The following PSD3 variants were observed in gnomAD, a reference collection of about 807,000 sequenced individuals.
The protein encoded by PSD3 is PH and SEC7 domain-containing protein 3.
Under a neutral mutation model 105.5 loss-of-function variants are expected in PSD3, and 49 were observed. The ratio of observed to expected loss-of-function variants is 0.46; its 90% CI spans 0.37 to 0.59. The LOEUF is 0.59. Among genes scored for constraint, PSD3 ranks in the 20% least tolerant of loss-of-function variants. PSD3 has a pLI of 0.00. For missense variants in PSD3, 1,561 were observed against 1,263.8 expected (o/e 1.24, Z -3.57); for synonymous variants, 557 against 457.8 (o/e 1.22, Z -2.77).
chr8:18,861,418 C>A (rs1046395626), intron 4 of PSD3, among the ~76,000 whole-genome samples: 1 of 152,138 alleles, frequency 6.6e-6, no homozygotes, highest in Non-Finnish European at 1.5e-5. Context: ...GCAAGTCTTA[C>A]ATCTAAAAGG....
At chr8:18,684,203 TCCACAC>T (rs1230247163) in intron 9 of PSD3, 3 of 222,752 alleles carry the variant, frequency 1.3e-5, no homozygotes, top group South Asian at 5.5e-5. Context: ...GTCTCTCTTT[TCCACAC>T]ACACACACAC....
intron 9 of PSD3, chr8:18,763,129 G>A (rs991204726): frequency 2.2e-6 from 1 of 445,540 alleles, no homozygotes; most frequent in Non-Finnish European, 4.5e-6. Flanking sequence ...AAAGAAATCT[G>A]AACAGACATA....
At chr8:18,560,608 C>T (rs2130193337) in intron 14 of PSD3, among the ~76,000 whole-genome samples, 1 of 151,776 alleles carries the variant, frequency 6.6e-6, no homozygotes, top group South Asian at 2.1e-4. Context: ...GGTTATATGT[C>T]AATAGATTTA....
intron 3 of PSD3, among the ~76,000 whole-genome samples, chr8:18,870,790 C>T (rs912043985): frequency 6.6e-6 from 1 of 152,070 alleles, no homozygotes; most frequent in African/African-American, 2.4e-5. Context: ...TTCTGACCCC[C>T]TGAGATGTCA....
chr8:18,930,815 G>A (rs1308290159), intron 2 of PSD3, among the ~76,000 whole-genome samples: 4 of 152,044 alleles, frequency 2.6e-5, no homozygotes, highest in Admixed American at 2.0e-4. Context: ...TGATCTGCCC[G>A]ACTTGGCCTC....
chr8:18,687,940 G>T (rs1043755979), intron 9 of PSD3, among the ~76,000 whole-genome samples: 15 of 151,892 alleles, frequency 9.9e-5, no homozygotes, highest in Non-Finnish European at 2.9e-5. Context: ...GGTAATTTTT[G>T]TATTTTTTAG....
chr8:19,005,180 T>C (rs2129474814), intron 1 of PSD3, among the ~76,000 whole-genome samples: 1 of 152,142 alleles, frequency 6.6e-6, no homozygotes, highest in East Asian at 1.9e-4. Flanking sequence ...TATTCCTAAC[T>C]GTCAAAAGTG....
Position 18,795,976 on chromosome 8 carries a change from A to G in PSD3, c.2082+3319T>C, listed in dbSNP as rs144881321. Among the ~76,000 whole-genome samples, 8 of 152,334 alleles carry G rather than the reference A, an allele frequency of 5.3e-5. No individual in the cohort carries two copies. In the East Asian group the frequency reaches 1.2e-3, roughly 22 times the overall value. On this transcript the variant is annotated intron_variant, in intron 8 of 15. Transcript: ENST00000327040. ...CTGTATGTGTAGAAGTTTAATTTAC[A>G]TAAGTATTTTGTAGATAAAGAGGCA... is the stretch of plus-strand genomic sequence containing the variant.
At chr8:18,568,839 G>A (rs865812550) in intron 14 of PSD3, among the ~76,000 whole-genome samples, 37 of 151,260 alleles carry the variant, frequency 2.4e-4, no homozygotes, top group African/African-American at 8.5e-4. Flanking sequence ...TATATCTCCC[G>A]ATGCTATCCC....
chr8:18,855,905 T>C (rs555216225), intron 4 of PSD3, among the ~76,000 whole-genome samples: 1 of 152,340 alleles, frequency 6.6e-6, no homozygotes, highest in African/African-American at 2.4e-5. Flanking sequence ...CTACACTTTT[T>C]GGTATGCCTC....
intron 9 of PSD3, among the ~76,000 whole-genome samples, chr8:18,675,596 C>T (rs1384349983): frequency 1.3e-5 from 2 of 152,096 alleles, no homozygotes; most frequent in Non-Finnish European, 2.9e-5. Flanking sequence ...TGATATTAAG[C>T]ATTTCAAAGA....
chr8:18,570,455 C>T (rs1028507303), intron 14 of PSD3, among the ~76,000 whole-genome samples: 8 of 139,690 alleles, frequency 5.7e-5, no homozygotes, highest in African/African-American at 1.1e-4. Context: ...CAACAAAACA[C>T]AAAATTGACA....
intron 12 of PSD3, among the ~76,000 whole-genome samples, chr8:18,591,967 T>C (rs1803644899): frequency 1.3e-5 from 2 of 152,134 alleles, no homozygotes; most frequent in South Asian, 4.2e-4. Context: ...AGCCAGTCTC[T>C]ATACTGGAAG....
Position 18,983,595 on chromosome 8 carries a change from G to A in PSD3, c.21+29968C>T, listed in dbSNP as rs73590681. On this transcript the variant is annotated intron_variant, in intron 1 of 15. Transcript: ENST00000327040. ...ATATTGTTGTGTCTCAGGGAATAGCGGGACAGGGGAAGGACCAGTCGTGGA... is the reference window on the plus strand; with the variant it reads ...ATATTGTTGTGTCTCAGGGAATAGCAGGACAGGGGAAGGACCAGTCGTGGA... 9.0e-3 allele frequency among the ~76,000 whole-genome samples: 1,374 copies of A among 152,200 alleles called. 18 individuals carry two copies. The highest frequency in any genetic ancestry group is 0.031 in the African/African-American group (1,308 of 41,532).
chr8:18,798,298 G>A (rs1396205418), intron 8 of PSD3, among the ~76,000 whole-genome samples: 3 of 152,080 alleles, frequency 2.0e-5, no homozygotes, highest in Admixed American at 2.0e-4. Context: ...TATGGCAAAA[G>A]GAACTTTCTA....
chr8:18,795,928 T>A (rs770450259), intron 8 of PSD3, among the ~76,000 whole-genome samples: 4 of 152,290 alleles, frequency 2.6e-5, no homozygotes, highest in Non-Finnish European at 5.9e-5. Flanking sequence ...AGAAAGAAAC[T>A]CTAGAGTTTA....
chr8:19,073,362 C>A (rs1180291595), intron 1 of PSD3, among the ~76,000 whole-genome samples: 1 of 151,882 alleles, frequency 6.6e-6, no homozygotes, highest in African/African-American at 2.4e-5. Context: ...ACCAGCCTGG[C>A]CAAAATGGAG....
At position 18,823,473 on chromosome 8, in the gene PSD3, A is replaced by G. The variant is rs936455048; in HGVS notation, c.1635-18575T>C. The stretch of plus-strand genomic sequence containing the variant: ...AATTCTCCCCTCCCCTTTATTCACT[A>G]GAGGTATGAAAAGTCCTGCCCTATT... On this transcript the variant is annotated intron_variant, in intron 4 of 15. Coordinates refer to ENST00000327040, the MANE Select transcript of PSD3 (RefSeq NM_015310.4). Among the ~76,000 whole-genome samples, 29 of 152,148 alleles carry G rather than the reference A, an allele frequency of 1.9e-4. 1 individual carries two copies. Among genetic ancestry groups the G allele is most frequent in the African/African-American group, 5.3e-4 (22 of 41,426 alleles).
At chr8:18,582,211 A>G (rs1051250671) in intron 12 of PSD3, among the ~76,000 whole-genome samples, 1 of 152,142 alleles carries the variant, frequency 6.6e-6, no homozygotes, top group African/African-American at 2.4e-5. Flanking sequence ...GTAGTTGTCT[A>G]TGTCCTCTCT....
Sources: allele counts gnomAD v4.1 joint callset (sites outside exome capture counted in the v4.1 genomes callset), GRCh38; gene constraint gnomAD v4.1.1; transcripts MANE v1.5; gene names NCBI Gene and HGNC (gene_info 2026-07-23, HGNC 2026-07-21).